The following ERICH2 variants were observed in gnomAD, a reference collection of about 807,000 sequenced individuals.
ERICH2 encodes glutamate rich 2.
In ERICH2, 17 loss-of-function variants were observed where a neutral mutation model predicts 17.4. The ratio of observed to expected loss-of-function variants is 0.98; its 90% CI spans 0.67 to 1.47. ERICH2 has a LOEUF of 1.47. ERICH2 is among the 40% of genes most tolerant of loss of function. ERICH2 has a pLI of 0.00. For missense variants in ERICH2, 186 were observed against 183.2 expected (o/e 1.01, Z -0.09); for synonymous variants, 51 against 61.1 (o/e 0.83, Z 0.77).
At chr2:170,783,036 T>C (rs6433248), upstream of ERICH2, 49,824 of 151,962 alleles carry the variant, frequency 0.33, 8,471 homozygotes, top group East Asian at 0.58. Flanking sequence ...AGTTAAAGGC[T>C]ACAGTGAACT....
chr2:170,776,740 A>T, the ERICH2 span, among the ~76,000 whole-genome samples: 1 of 151,794 alleles, frequency 6.6e-6, no homozygotes, highest in African/African-American at 2.4e-5. Flanking sequence ...AAGTTATGTA[A>T]AACCAAAAAG....
chr2:170,774,989 G>T, the ERICH2 span, among the ~76,000 whole-genome samples: 1 of 152,034 alleles, frequency 6.6e-6, no homozygotes, highest in Admixed American at 6.5e-5. Context: ...GCAGAGCATG[G>T]GTCTCCATCA....
At chr2:170,783,828 G>A (rs1394372824) in exon 1 of ERICH2, 3 of 1,550,406 alleles carry the variant, frequency 1.9e-6, no homozygotes, top group African/African-American at 1.4e-5. Context: ...AGTCAGGGTG[G>A]TTGTGAGCTG....
the ERICH2 span, chr2:170,777,102 A>G: frequency 2.6e-5 from 4 of 154,904 alleles, no homozygotes; most frequent in South Asian, 2.0e-4. Context: ...TTAAATCTAT[A>G]TAAGTGTTTA....
At chr2:170,790,583 C>T (rs1221299046) in intron 2 of ERICH2, among the ~76,000 whole-genome samples, 3 of 152,074 alleles carry the variant, frequency 2.0e-5, no homozygotes, top group Non-Finnish European at 1.5e-5. Flanking sequence ...GCCGAGATGG[C>T]GCCACTGCAC....
At chr2:170,782,300 G>T, upstream of ERICH2, 3 of 950,954 alleles carry the variant, frequency 3.2e-6, no homozygotes, top group Non-Finnish European at 2.5e-6. Flanking sequence ...ACTGAAAATA[G>T]AGTATCTTCA....
chr2:170,787,031 T>TTTTG lies in ERICH2; in HGVS notation c.216+2226_216+2229dup, dbSNP rs141133369. Among the ~76,000 whole-genome samples, 1,171 of 151,298 alleles carry TTTTG rather than the reference T, an allele frequency of 7.7e-3. 9 individuals carry two copies. The highest frequency in any genetic ancestry group is 0.015 in the African/African-American group (634 of 41,360). On this transcript the variant is annotated intron_variant, in intron 2 of 4. Transcript: ENST00000409885. The stretch of plus-strand genomic sequence containing the variant: ...TTTCCTCCTCCTTTGCATGCCTATA[T>TTTTG]TTTGTTTGTTTGTTTGTTTGTTTGT...
At chr2:170,776,441 G>A in the ERICH2 span, among the ~76,000 whole-genome samples, 12 of 152,124 alleles carry the variant, frequency 7.9e-5, no homozygotes, top group Non-Finnish European at 1.5e-4. Flanking sequence ...GCAGTGGTGC[G>A]ATCTCGGCTC....
chr2:170,795,455 C>T (rs1382388384), intron 3 of ERICH2, among the ~76,000 whole-genome samples: 1 of 152,148 alleles, frequency 6.6e-6, no homozygotes, highest in Non-Finnish European at 1.5e-5. Context: ...TCAAGGGATC[C>T]TACCACCTCG....
chr2:170,774,571 T>C, the ERICH2 span, among the ~76,000 whole-genome samples: 33,453 of 145,352 alleles, frequency 0.23, 4,681 homozygotes, highest in South Asian at 0.35. Context: ...CATCTTTTTT[T>C]TTTTTTTTTT....
intron 2 of ERICH2, among the ~76,000 whole-genome samples, chr2:170,785,681 A>G (rs1701144306): frequency 6.6e-6 from 1 of 152,186 alleles, no homozygotes; most frequent in Non-Finnish European, 1.5e-5. Flanking sequence ...GAGGATTTTT[A>G]GAGGAAGAGA....
intron 4 of ERICH2, 64 bp from the exon 10 acceptor site, chr2:170,798,706 G>T: frequency 7.8e-6 from 12 of 1,537,782 alleles, no homozygotes; most frequent in South Asian, 3.6e-5. Context: ...GGGGCAAGGA[G>T]AATTATTTTT....
chr2:170,789,659 T>C (rs192964702), intron 2 of ERICH2, among the ~76,000 whole-genome samples: 2 of 152,326 alleles, frequency 1.3e-5, no homozygotes, highest in East Asian at 3.9e-4. Context: ...AATTTCTTAA[T>C]TTTACTGCCT....
At chr2:170,778,981 G>T (rs1020198046), upstream of ERICH2, among the ~76,000 whole-genome samples, 1 of 152,112 alleles carries the variant, frequency 6.6e-6, no homozygotes, top group Admixed American at 6.6e-5. Context: ...AGTCCTAATT[G>T]CATCTGCCTC....
At chr2:170,788,940 CTTCT>C (rs67359646) in intron 2 of ERICH2, among the ~76,000 whole-genome samples, 142,079 of 150,510 alleles carry the variant, frequency 0.94, 67,615 homozygotes, top group East Asian at 1. Context: ...TATTCTTCTT[CTTCT>C]TTCTTTCTTT....
the ERICH2 span, among the ~76,000 whole-genome samples, chr2:170,771,746 AGATGATGAAATT>A: frequency 6.6e-6 from 1 of 152,244 alleles, no homozygotes; most frequent in East Asian, 1.9e-4. This position sits in a 1 kb window ranked among gnomAD's most constrained non-coding sequence, Gnocchi z 4.8. Flanking sequence ...TCATCTTATG[AGATGATGAAATT>A]GACTTGAAAC....
rs372554632 is a variant in ERICH2 at position 170,783,984 on chromosome 2, CT to C, written c.28+125del. On this transcript the variant is annotated intron_variant, in intron 1 of 4. Transcript: ENST00000409885. ...TTTGTTTTAGAGTCATTAGTTTTAC[CT>C]TTTTTTGTTGTTGTTGTTCTGTGTT... is the stretch of plus-strand genomic sequence containing the variant. The C allele has an allele frequency of 1.0e-5, 14 of 1,401,566 alleles. No homozygotes were observed. In the East Asian group the frequency reaches 1.0e-4, roughly 10 times the overall value. 86.8% of individuals were successfully genotyped at this position (1,401,566 alleles called of 1,614,324 possible).
At chr2:170,794,321 T>G (rs544710064) in intron 3 of ERICH2, among the ~76,000 whole-genome samples, 6 of 152,098 alleles carry the variant, frequency 3.9e-5, no homozygotes, top group African/African-American at 1.4e-4. Context: ...TTGGCCAGGC[T>G]GGTCTCGAAC....
chr2:170,795,273 C>T (rs999278859), intron 3 of ERICH2, among the ~76,000 whole-genome samples: 4 of 152,142 alleles, frequency 2.6e-5, no homozygotes, highest in African/African-American at 9.7e-5. Context: ...TCACTGCATC[C>T]AGCCAGAATT....
Sources: allele counts gnomAD v4.1 joint callset (sites outside exome capture counted in the v4.1 genomes callset), GRCh38; gene constraint gnomAD v4.1.1; non-coding constraint Gnocchi (gnomAD v3.1); transcripts MANE v1.5; gene names NCBI Gene and HGNC (gene_info 2026-07-23, HGNC 2026-07-21).